Variants in DAB2 observed in about 807,000 individuals in gnomAD.
DAB2 encodes DAB adaptor protein 2, also known as disabled homolog 2.
DAB2 carries 28 observed loss-of-function variants against 71.6 expected under a neutral mutation model. That is an observed-to-expected ratio of 0.39 (90% CI 0.29 to 0.54). The LOEUF (loss-of-function observed/expected upper bound fraction) is 0.54, where lower values mean the gene tolerates loss of function less well. Ranked by LOEUF, DAB2 falls within the 20% of genes least tolerant of loss-of-function variation. The probability of loss-of-function intolerance (pLI) is 0.68; values close to 1 mark genes in which losing one functional copy is unlikely to be tolerated. For missense variants in DAB2, 867 were observed against 928.8 expected, an observed-to-expected ratio of 0.93 and a Z score of 0.86; for synonymous variants, 345 against 339.7, an observed-to-expected ratio of 1.02 and a Z score of -0.17.
At chr5:39,397,305 T>C (rs962287372) in intron 1 of DAB2, among the ~76,000 whole-genome samples, 1 of 152,176 alleles carries the variant, frequency 6.6e-6, no homozygotes, top group Non-Finnish European at 1.5e-5. Flanking sequence ...ACTCCAGTAC[T>C]AGCTAAGCAG....
In DAB2 at chr5:39,407,028, G is replaced by A. The variant is rs937551550; in HGVS notation, c.-101-12607C>T. Reference sequence around the variant, plus strand: ...TTATGCTTGATCCTGGCAGGAAAAGGTAGTCAAAAAGTTAAGACTCAGAGG... The same window carrying A: ...TTATGCTTGATCCTGGCAGGAAAAGATAGTCAAAAAGTTAAGACTCAGAGG... On this transcript the variant is annotated intron_variant, in intron 1 of 14. Transcript: ENST00000320816. Among the ~76,000 whole-genome samples the A allele has an allele frequency of 2.0e-5, 3 of 152,090 alleles. No individual in the cohort carries two copies. In the South Asian group the frequency reaches 6.2e-4, roughly 32 times the overall value.
Position 39,379,847 on chromosome 5 carries a change from T to C in DAB2, c.1504+1607A>G, listed in dbSNP as rs145789106. Among the ~76,000 whole-genome samples the C allele has an allele frequency of 7.2e-5, 11 of 152,180 alleles. No homozygotes were observed. In the East Asian group the frequency reaches 2.1e-3, roughly 29 times the overall value. On this transcript the variant is annotated intron_variant, in intron 11 of 14. Coordinates refer to ENST00000320816, the MANE Select transcript of DAB2 (RefSeq NM_001343.4). ...CAGGGACTATACTGTAGAGCTCAGTTTGAGTCCCATGTCCAAACTTGGAAC... is the reference window on the plus strand; with the variant it reads ...CAGGGACTATACTGTAGAGCTCAGTCTGAGTCCCATGTCCAAACTTGGAAC...
chr5:39,390,151 C>G, intron 5 of DAB2, among the ~76,000 whole-genome samples: 1 of 152,042 alleles, frequency 6.6e-6, no homozygotes, highest in East Asian at 1.9e-4. Context: ...CAAGAGGTAT[C>G]ATGATCATAT....
At chr5:39,391,422 T>G (rs747872227) in intron 4 of DAB2, among the ~76,000 whole-genome samples, 18 of 151,550 alleles carry the variant, frequency 1.2e-4, no homozygotes, top group Non-Finnish European at 2.1e-4. Context: ...CTTGGGAAAA[T>G]AAGAGTTGAC....
At chr5:39,396,686 G>T (rs1218352603) in intron 1 of DAB2, among the ~76,000 whole-genome samples, 1 of 152,206 alleles carries the variant, frequency 6.6e-6, no homozygotes, top group Non-Finnish European at 1.5e-5. Context: ...GTCTAGGGGT[G>T]GTTAATGTAG....
chr5:39,381,677 C>G, intron 10 of DAB2, 61 bp from the exon 11 acceptor site: 1 of 1,587,582 alleles, frequency 6.3e-7, no homozygotes, highest in Non-Finnish European at 8.6e-7. Context: ...AATACAGCCT[C>G]ATTTTGTCTC....
In DAB2 at chr5:39,377,110, T is replaced by C. The variant is rs778263727; in HGVS notation, c.1677A>G (p.Ser559=). The change falls in exon 12 of 15, where the codon TCA becomes TCG. Residue 559 remains serine, a synonymous_variant. Coordinates refer to ENST00000320816, the MANE Select transcript of DAB2 (RefSeq NM_001343.4). ...SPAVSGWNQP[S]PFAASTPPPV... ...GAGGGGGAGTTGAGGCTGCAAAGGG[T>C]GAAGGCTGGTTCCAACCTGAAACAG... 2.2e-5 allele frequency: 36 copies of C among 1,613,756 alleles called. No homozygotes were observed. The highest frequency in any genetic ancestry group is 2.9e-5 in the Non-Finnish European group (34 of 1,179,950).
At chr5:39,384,387 T>C (rs1457971682) in intron 9 of DAB2, among the ~76,000 whole-genome samples, 4 of 152,224 alleles carry the variant, frequency 2.6e-5, no homozygotes, top group Non-Finnish European at 5.9e-5. Flanking sequence ...TAAAAGTTAT[T>C]TGAATGTGGT....
chr5:39,390,064 A>C, intron 5 of DAB2, 132 bp from the exon 6 acceptor site: 1 of 668,348 alleles, frequency 1.5e-6, no homozygotes, highest in Non-Finnish European at 2.5e-6. Flanking sequence ...CTGCTGGCTT[A>C]TAGGGGATCA....
intron 5 of DAB2, 141 bp from the exon 6 acceptor site, chr5:39,390,073 C>T: frequency 1.6e-6 from 1 of 640,994 alleles, no homozygotes; most frequent in South Asian, 2.2e-5. Flanking sequence ...TATAGGGGAT[C>T]ACCACCAACC....
intron 1 of DAB2, among the ~76,000 whole-genome samples, chr5:39,397,829 C>T (rs991340565): frequency 2.6e-5 from 4 of 152,136 alleles, no homozygotes; most frequent in African/African-American, 7.2e-5. Flanking sequence ...ACTTCGATAT[C>T]TACTTTTAAC....
chr5:39,378,784 CCTGTT>C (rs1213606895), intron 11 of DAB2, among the ~76,000 whole-genome samples: 1 of 152,216 alleles, frequency 6.6e-6, no homozygotes, highest in Non-Finnish European at 1.5e-5. Context: ...ACCCCATTCT[CCTGTT>C]CTGCTTCCTT....
chr5:39,400,955 C>T (rs1246994370), intron 1 of DAB2, among the ~76,000 whole-genome samples: 7 of 152,294 alleles, frequency 4.6e-5, no homozygotes, highest in East Asian at 1.9e-4. Context: ...AGACAGACCT[C>T]GGGGTCCAAG....
intron 1 of DAB2, among the ~76,000 whole-genome samples, chr5:39,411,284 G>A (rs1755724136): frequency 6.6e-6 from 1 of 152,162 alleles, no homozygotes; most frequent in African/African-American, 2.4e-5. Flanking sequence ...AATAAAGGAA[G>A]TTTCCTTGGT....
intron 1 of DAB2, among the ~76,000 whole-genome samples, chr5:39,398,220 G>A (rs1755413181): frequency 6.6e-6 from 1 of 152,194 alleles, no homozygotes; most frequent in South Asian, 2.1e-4. Context: ...AGGGGTTTTG[G>A]GGGAGGGAAC....
chr5:39,386,248 G>A (rs756934454), intron 9 of DAB2, among the ~76,000 whole-genome samples: 1 of 152,154 alleles, frequency 6.6e-6, no homozygotes, highest in Non-Finnish European at 1.5e-5. Context: ...CACATAGTTT[G>A]CAACATGAGC....
chr5:39,394,547 C>T (rs968868691), intron 1 of DAB2, 126 bp from the exon 2 acceptor site: 2 of 517,048 alleles, frequency 3.9e-6, no homozygotes, highest in African/African-American at 1.9e-5. Flanking sequence ...CCTTCTCCTG[C>T]TGTATTAGAC....
intron 1 of DAB2, among the ~76,000 whole-genome samples, chr5:39,412,726 A>G (rs956591212): frequency 6.6e-6 from 1 of 152,188 alleles, no homozygotes; most frequent in Non-Finnish European, 1.5e-5. Context: ...AGACATTATC[A>G]TTTAATCCTG....
chr5:39,392,386 T>G lies in DAB2; in HGVS notation c.309A>C (p.Lys103Asn). ...IWVNISLSGI[K>N]IIDEKTGVIE... ...TTACCCCAGTTTTCTCATCAATTAT[T>G]TTTATCCCAGAAAGGGAAATGTTGA... The change falls in exon 4 of 15, where the codon AAA becomes AAC. Residue 103 changes from lysine to asparagine, a missense_variant. Physicochemically the swap from Lys to Asn is moderately conservative, Grantham distance 94 (BLOSUM62 0). Around this residue, in one of 2 missense-constraint regions of DAB2, gnomAD observed 127 missense variants for 194.4 expected, o/e 0.65. Coordinates refer to ENST00000320816, the MANE Select transcript of DAB2 (RefSeq NM_001343.4). 1 of 1,613,904 alleles carries G rather than the reference T, an allele frequency of 6.2e-7. No homozygotes were observed. Among genetic ancestry groups the G allele is most frequent in the Non-Finnish European group, 8.5e-7 (1 of 1,179,800 alleles).
Sources: allele counts gnomAD v4.1 joint callset (sites outside exome capture counted in the v4.1 genomes callset), GRCh38; gene constraint gnomAD v4.1.1; regional missense constraint gnomAD v4.1.1; transcripts MANE v1.5; gene names NCBI Gene and HGNC (gene_info 2026-07-23, HGNC 2026-07-21).